FOXRED2: variants seen among roughly 807,000 people sequenced by gnomAD.
FOXRED2 encodes the protein FAD-dependent oxidoreductase domain-containing protein 2.
FOXRED2 carries 32 observed loss-of-function variants against 52.5 expected under a neutral mutation model. The observed-to-expected ratio is 0.61, with a 90% CI of 0.46 to 0.82. The LOEUF (loss-of-function observed/expected upper bound fraction) is 0.82. Ranked by LOEUF, FOXRED2 falls within the 40% of genes least tolerant of loss-of-function variation. FOXRED2 has a pLI of 0.00. For missense variants in FOXRED2, 848 were observed against 937.5 expected (o/e 0.90, Z 1.25); for synonymous variants, 405 against 398.1 (o/e 1.02, Z -0.21).
chr22:36,491,650 C>T (rs1933759709), intron 8 of FOXRED2, among the ~76,000 whole-genome samples: 1 of 152,144 alleles, frequency 6.6e-6, no homozygotes, highest in Non-Finnish European at 1.5e-5. Context: ...AGCTATCTGC[C>T]TTTCTCGGCC....
At chr22:36,498,264 GTCTCC>G in intron 5 of FOXRED2, 108 bp from the exon 6 acceptor site, 1 of 1,335,360 alleles carries the variant, frequency 7.5e-7, no homozygotes, top group East Asian at 2.4e-5. Context: ...ATACACACTG[GTCTCC>G]ATGGCCCAGC....
Position 36,497,946 on chromosome 22 carries a change from G to A in FOXRED2, c.1382+45C>T, listed in dbSNP as rs200686685. The A allele has an allele frequency of 7.6e-5, 121 of 1,586,646 alleles. No homozygotes were observed. In the East Asian group the frequency reaches 1.5e-3, roughly 19 times the overall value. Reference sequence around the variant, plus strand: ...GAAGAGAAGCGCTATGCAGCACGTCGGGAAAGCTGGGCCGAGGGGAGTAGG... The same window carrying A: ...GAAGAGAAGCGCTATGCAGCACGTCAGGAAAGCTGGGCCGAGGGGAGTAGG... On this transcript the variant is annotated intron_variant, in intron 6 of 8. Coordinates refer to ENST00000397224, the MANE Select transcript of FOXRED2 (RefSeq NM_001102371.2).
chr22:36,497,139 C>T (rs982774854), intron 6 of FOXRED2, among the ~76,000 whole-genome samples: 2 of 151,972 alleles, frequency 1.3e-5, no homozygotes, highest in African/African-American at 4.8e-5. Flanking sequence ...GATCGCACCA[C>T]TGCACTCCAG....
chr22:36,498,195 C>T lies in FOXRED2; in HGVS notation c.1217-39G>A, dbSNP rs376018757. The T allele has an allele frequency of 5.1e-6, 8 of 1,582,142 alleles. No individual in the cohort carries two copies. The East Asian group carries it at 1.6e-4, about 31-fold the overall frequency. On this transcript the variant is annotated intron_variant, in intron 5 of 8. Transcript: ENST00000397224. ...AGGGAGGAACGGCACGCTGCACTTA[C>T]CATTTTATCTCTGGTCACTGGGAGG... is the stretch of plus-strand genomic sequence containing the variant.
intron 6 of FOXRED2, 119 bp from the exon 7 acceptor site, chr22:36,496,327 G>A: frequency 8.2e-7 from 1 of 1,220,376 alleles, no homozygotes; most frequent in South Asian, 1.4e-5. Flanking sequence ...CGTCAATCAA[G>A]CAGCACACCC....
rs1327445706 is a variant in FOXRED2, at chr22:36,506,663, G to A, written c.-1-240C>T. ...CAGGGTCTCCTTCCTCAGGGGCACC[G>A]GCTCCCCGCTTATGATTGTAGTAAC... is the stretch of plus-strand genomic sequence containing the variant. On this transcript the variant is annotated intron_variant, in intron 1 of 8. Transcript: ENST00000397224. 2.0e-5 allele frequency: 9 copies of A among 444,186 alleles called. 1 individual carries two copies. The highest frequency in any genetic ancestry group is 3.9e-5 in the Admixed American group (1 of 25,668). 27.5% of individuals were successfully genotyped at this position (444,186 alleles called of 1,614,324 possible). A position where few individuals can be genotyped will look rare whatever the true frequency, so the allele number is the denominator to read the frequency against.
At chr22:36,501,080 G>A (rs1471409114) in intron 5 of FOXRED2, among the ~76,000 whole-genome samples, 161 bp downstream of exon 5, 1 of 152,156 alleles carries the variant, frequency 6.6e-6, no homozygotes, top group Non-Finnish European at 1.5e-5. Context: ...CATGTCGTCA[G>A]ACCACAAAAA....
chr22:36,492,823 G>C (rs1334397276), intron 8 of FOXRED2, among the ~76,000 whole-genome samples: 2 of 152,204 alleles, frequency 1.3e-5, no homozygotes, highest in Non-Finnish European at 2.9e-5. Context: ...TGGCCTAAAA[G>C]TGTATTTCTT....
rs114453683 is a variant in FOXRED2 at position 36,490,627 on chromosome 22, C to T, written c.1796-360G>A. 3.3e-3 allele frequency among the ~76,000 whole-genome samples: 506 copies of T among 152,356 alleles called. 3 individuals carry two copies. Among genetic ancestry groups the T allele is most frequent in the African/African-American group, 0.011 (472 of 41,592 alleles). Reference sequence around the variant, plus strand: ...GCTCCGACCTTCATGAGCAGACCCTCGGCCTGGTGCGGCTGGGAACTCAGT... The same window carrying T: ...GCTCCGACCTTCATGAGCAGACCCTTGGCCTGGTGCGGCTGGGAACTCAGT... On this transcript the variant is annotated intron_variant, in intron 8 of 8. Coordinates refer to ENST00000397224, the MANE Select transcript of FOXRED2 (RefSeq NM_001102371.2).
intron 4 of FOXRED2, among the ~76,000 whole-genome samples, chr22:36,502,996 T>TC (rs1344724731): frequency 7.9e-5 from 2 of 25,370 alleles, no homozygotes; most frequent in Non-Finnish European, 3.6e-4. Context: ...CAGCCATCTC[T>TC]TTTTTTTTTT....
chr22:36,501,265 AG>A lies in FOXRED2; in HGVS notation c.1191del (p.Phe398SerfsTer35). The A allele has an allele frequency of 6.2e-7, 1 of 1,614,054 alleles. No individual in the cohort carries two copies. The highest frequency in any genetic ancestry group is 1.1e-5 in the South Asian group (1 of 91,066). On this transcript the variant is annotated frameshift_variant, in exon 5 of 9. Transcript: ENST00000397224. LOFTEE classifies it high-confidence loss of function. The part of the protein sequence containing the change: ...HSVDYRKSAG[G>X]FIHGFRYTVR... ...CCTGTGTATCGGAATCCGTGGATGAAGCCCCCAGCAGATTTCCGGTAGTCCA... is the reference window on the plus strand; with the variant it reads ...CCTGTGTATCGGAATCCGTGGATGAACCCCCAGCAGATTTCCGGTAGTCCA...
At position 36,505,948 on chromosome 22, in the gene FOXRED2, T is replaced by G; in HGVS notation, c.475A>C (p.Asn159His). ...TCAGTTAGGATGAAGTAGTGGCCAT[T>G]CCAGGCCTGTCGGTCCTTGTCCAGA... ...VTLDKDRQAWNGHYFILTDQK... is the reference protein window; with the variant it reads ...VTLDKDRQAWHGHYFILTDQK... The change falls in exon 2 of 9, where the codon AAT (asparagine) becomes CAT (histidine). Residue 159 changes from asparagine (N) to histidine (H), a missense_variant. Physicochemically the swap from Asn to His is moderately conservative, Grantham distance 68. Coordinates refer to ENST00000397224, the MANE Select transcript of FOXRED2 (RefSeq NM_001102371.2). The G allele has an allele frequency of 6.2e-7, 1 of 1,614,214 alleles. No homozygotes were observed. Among genetic ancestry groups the G allele is most frequent in the East Asian group, 2.2e-5 (1 of 44,884 alleles).
chr22:36,493,981 A>AT (rs1933828079), intron 7 of FOXRED2, among the ~76,000 whole-genome samples, 178 bp from the exon 8 acceptor site: 1 of 152,228 alleles, frequency 6.6e-6, no homozygotes, highest in Non-Finnish European at 1.5e-5. Context: ...ACCTGCAGAT[A>AT]TTTGAAAGGC....
chr22:36,493,267 A>G (rs753427934), intron 8 of FOXRED2, among the ~76,000 whole-genome samples: 1 of 152,194 alleles, frequency 6.6e-6, no homozygotes, highest in Non-Finnish European at 1.5e-5. Flanking sequence ...GTGAAACCCC[A>G]TCTCTACTAA....
chr22:36,503,669 C>A (rs1276916185), intron 4 of FOXRED2, among the ~76,000 whole-genome samples: 1 of 152,150 alleles, frequency 6.6e-6, no homozygotes, highest in African/African-American at 2.4e-5. Flanking sequence ...AACTTTGAAT[C>A]CCATTTTAGA....
At chr22:36,494,664 G>C (rs189455831) in intron 7 of FOXRED2, among the ~76,000 whole-genome samples, 1 of 151,278 alleles carries the variant, frequency 6.6e-6, no homozygotes, top group African/African-American at 2.4e-5. Flanking sequence ...TTTTGAGACA[G>C]AGTCTCGCTC....
chr22:36,506,123 G>T lies in FOXRED2; in HGVS notation c.300C>A (p.Asn100Lys). 2 of 1,614,238 alleles carry T rather than the reference G, an allele frequency of 1.2e-6. No individual in the cohort carries two copies. Among genetic ancestry groups the T allele is most frequent in the Non-Finnish European group, 1.7e-6 (2 of 1,180,038 alleles). The change falls in exon 2 of 9, where the codon AAC (asparagine) becomes AAA (lysine). Residue 100 changes from asparagine to lysine, a missense_variant. Asn to Lys is a moderately conservative substitution (Grantham distance 94). Transcript: ENST00000397224. ...GCCGGGGGTCGTGGCTGAGCAGAGA[G>T]TTCCAGTCGTGGCGGAGGTTGAACT... ...NAEFNLRHDW[N>K]SLLSHDPRLL...
At position 36,506,330 on chromosome 22, in the gene FOXRED2, C is replaced by CCGGCGCGGGGGCACCGA; in HGVS notation, c.76_92dup (p.Asp32ArgfsTer140). 6.6e-6 allele frequency: 10 copies of CCGGCGCGGGGGCACCGA among 1,507,768 alleles called. No homozygotes were observed. The highest frequency in any genetic ancestry group is 7.1e-6 in the Non-Finnish European group (8 of 1,131,024). The allele number at this position is 1,507,768 out of a possible 1,614,324, so 93.4% of individuals were successfully genotyped here. ...GCCCAGCGCCCAGCACGCAGTAGTC[C>CCGGCGCGGGGGCACCGA]CGGCGCGGGGGCACCGACAGCGCTG... On this transcript the variant is annotated frameshift_variant, in exon 2 of 9. Transcript: ENST00000397224. LOFTEE classifies it high-confidence loss of function.
At chr22:36,503,611 T>G (rs1934110978) in intron 4 of FOXRED2, among the ~76,000 whole-genome samples, 1 of 152,070 alleles carries the variant, frequency 6.6e-6, no homozygotes. Flanking sequence ...GCACCCAGCC[T>G]CCAAGCATAT....
Sources: allele counts gnomAD v4.1 joint callset (sites outside exome capture counted in the v4.1 genomes callset), GRCh38; gene constraint gnomAD v4.1.1; transcripts MANE v1.5; gene names NCBI Gene and HGNC (gene_info 2026-07-23, HGNC 2026-07-21).